Variants in ZC3H14 observed in about 807,000 individuals in gnomAD.
ZC3H14 encodes the protein zinc finger CCCH-type containing 14.
In ZC3H14, 31 loss-of-function variants were observed where a neutral mutation model predicts 92.4. The observed-to-expected ratio is 0.34, with a 90% CI of 0.25 to 0.45. The LOEUF (loss-of-function observed/expected upper bound fraction) is 0.45. ZC3H14 is among the 20% of genes least tolerant of loss of function. ZC3H14 has a pLI of 1.00. For synonymous variants in ZC3H14, 321 were observed against 300.9 expected (o/e 1.07, Z -0.69); for missense variants, 781 against 897.3 (o/e 0.87, Z 1.66).
Position 88,617,148 on chromosome 14 carries a change from TTC to T in ZC3H14, c.*5399_*5400del, listed in dbSNP as rs1472967327. The T allele has an allele frequency of 5.9e-5, 15 of 252,582 alleles. No homozygotes were observed. Among genetic ancestry groups the T allele is most frequent in the Non-Finnish European group, 7.5e-5 (10 of 132,548 alleles). 15.6% of individuals were successfully genotyped at this position (252,582 alleles called of 1,614,324 possible). ...TTATGAAAACTGATAGAACTATTTT[TTC>T]TTTTTTTTTTTTTGAGACGGAGTTT... On this transcript the variant is annotated 3_prime_UTR_variant, in exon 17 of 17. Coordinates refer to ENST00000251038, the MANE Select transcript of ZC3H14 (RefSeq NM_024824.5).
intron 9 of ZC3H14, among the ~76,000 whole-genome samples, chr14:88,580,801 GA>G (rs1217385292): frequency 4.0e-5 from 6 of 151,788 alleles, no homozygotes; most frequent in African/African-American, 7.2e-5. Flanking sequence ...ATTTTAAAAA[GA>G]AAAAAAATGA....
chr14:88,619,340 G>A lies in ZC3H14; in HGVS notation c.*7589G>A, dbSNP rs190503790. ...AGATTGCACCATTGCACTTCAGCAT[G>A]GGCAACAAGAGCAAAACTCCAACTC... is the stretch of plus-strand genomic sequence containing the variant. On this transcript the variant is annotated 3_prime_UTR_variant, in exon 17 of 17. Coordinates refer to ENST00000251038, the MANE Select transcript of ZC3H14 (RefSeq NM_024824.5). 4 of 152,512 alleles carry A rather than the reference G, an allele frequency of 2.6e-5. No homozygotes were observed. Among genetic ancestry groups the A allele is most frequent in the Admixed American group, 2.6e-4 (4 of 15,298 alleles). 9.4% of individuals were successfully genotyped at this position (152,512 alleles called of 1,614,324 possible). A position where few individuals can be genotyped will look rare whatever the true frequency, so the allele number is the denominator to read the frequency against.
Position 88,621,751 on chromosome 14 carries a change from A to C in ZC3H14, c.*10000A>C, listed in dbSNP as rs1264655960. 7 of 345,484 alleles carry C rather than the reference A, an allele frequency of 2.0e-5. No individual in the cohort carries two copies. The highest frequency in any genetic ancestry group is 1.5e-4 in the African/African-American group (7 of 46,860). 21.4% of individuals were successfully genotyped at this position (345,484 alleles called of 1,614,324 possible). A position where few individuals can be genotyped will look rare whatever the true frequency, so the allele number is the denominator to read the frequency against. ...CTTAATAAGTACAAACACGCTCAAA[A>C]ATTTTCATAGGAGTTGTAGTTTTGA... On this transcript the variant is annotated 3_prime_UTR_variant, in exon 17 of 17. Coordinates refer to ENST00000251038, the MANE Select transcript of ZC3H14 (RefSeq NM_024824.5).
At chr14:88,607,618 C>T (rs1424296815) in intron 13 of ZC3H14, among the ~76,000 whole-genome samples, 10 of 138,072 alleles carry the variant, frequency 7.2e-5, no homozygotes, top group African/African-American at 2.8e-4. Flanking sequence ...ACTACCATCC[C>T]ATCTCACCCT....
intron 15 of ZC3H14, 46 bp from the exon 16 acceptor site, chr14:88,610,788 A>ATATT (rs751610429): frequency 6.4e-7 from 1 of 1,553,996 alleles, no homozygotes; most frequent in Non-Finnish European, 8.9e-7. Context: ...GTGTTTACTT[A>ATATT]TATTAGCCTT....
In ZC3H14 at chr14:88,624,740, A is replaced by G. The variant is rs550036355; in HGVS notation, c.*12989A>G. On this transcript the variant is annotated 3_prime_UTR_variant, in exon 17 of 17. Transcript: ENST00000251038. ...AACTCAACTTGTAGGACAACTACCT[A>G]TCCACACCTCAGAAAAAGTATCACC... is the stretch of plus-strand genomic sequence containing the variant. 4 of 502,432 alleles carry G rather than the reference A, an allele frequency of 8.0e-6. 1 individual carries two copies. In the South Asian group the frequency reaches 1.0e-4, roughly 13 times the overall value. 31.1% of individuals were successfully genotyped at this position (502,432 alleles called of 1,614,324 possible).
chr14:88,625,208 T>A lies in ZC3H14; in HGVS notation c.*13457T>A. On this transcript the variant is annotated 3_prime_UTR_variant, in exon 17 of 17. Coordinates refer to ENST00000251038, the MANE Select transcript of ZC3H14 (RefSeq NM_024824.5). Reference sequence around the variant, plus strand: ...AAATAGATAATTTTCTATGTATGTGTAATGCTGTCTCACCCTTGATACAAA... The same window carrying A: ...AAATAGATAATTTTCTATGTATGTGAAATGCTGTCTCACCCTTGATACAAA... 6.8e-7 allele frequency: 1 copy of A among 1,475,656 alleles called. No individual in the cohort carries two copies. The highest frequency in any genetic ancestry group is 9.2e-7 in the Non-Finnish European group (1 of 1,087,304). 91.4% of individuals were successfully genotyped at this position (1,475,656 alleles called of 1,614,324 possible).
chr14:88,609,716 TGCACCACCA>T lies in ZC3H14; in HGVS notation c.2019_2027del (p.Ala674_Pro676del). ...TCCTGGTTTTTATTTTGTTAGCAGT[TGCACCACCA>T]GCACCACCTTCCAGTAGTCAGCTCT... On this transcript the variant is annotated inframe_deletion, in exon 15 of 17. Transcript: ENST00000251038. 1 of 1,614,178 alleles carries T rather than the reference TGCACCACCA, an allele frequency of 6.2e-7. No homozygotes were observed. The highest frequency in any genetic ancestry group is 2.2e-5 in the East Asian group (1 of 44,884).
chr14:88,621,694 T>G lies in ZC3H14; in HGVS notation c.*9943T>G, dbSNP rs1032155683. Reference sequence around the variant, plus strand: ...CTTAACTACAATTTAATATGCAGGCTGAAGATAATATCCGTATGATTTATA... The same window carrying G: ...CTTAACTACAATTTAATATGCAGGCGGAAGATAATATCCGTATGATTTATA... On this transcript the variant is annotated 3_prime_UTR_variant, in exon 17 of 17. Coordinates refer to ENST00000251038, the MANE Select transcript of ZC3H14 (RefSeq NM_024824.5). 1 of 281,564 alleles carries G rather than the reference T, an allele frequency of 3.6e-6. No individual in the cohort carries two copies. The highest frequency in any genetic ancestry group is 4.4e-5 in the Admixed American group (1 of 22,632). 17.4% of individuals were successfully genotyped at this position (281,564 alleles called of 1,614,324 possible).
intron 2 of ZC3H14, among the ~76,000 whole-genome samples, chr14:88,564,934 A>G (rs1321060440): frequency 6.6e-6 from 1 of 152,198 alleles, no homozygotes; most frequent in African/African-American, 2.4e-5. Flanking sequence ...AGTACTGACA[A>G]ACTGGTTACA....
chr14:88,566,122 C>T (rs1595473061), intron 2 of ZC3H14, among the ~76,000 whole-genome samples: 2 of 148,042 alleles, frequency 1.4e-5, no homozygotes, highest in East Asian at 4.0e-4. Flanking sequence ...TTAGGTGATC[C>T]ACTTGTCTCA....
intron 9 of ZC3H14, among the ~76,000 whole-genome samples, chr14:88,592,933 A>G (rs2083334882): frequency 2.0e-5 from 3 of 151,458 alleles, no homozygotes; most frequent in Non-Finnish European, 4.4e-5. Flanking sequence ...GGACCTTACA[A>G]GATTTTCTGT....
rs1265008513 is a variant in ZC3H14, at chr14:88,627,204, T to C, written c.*15453T>C. Reference sequence around the variant, plus strand: ...CCTAGCAATACATGATTTACAATTATTTGTGTATTGAGTCCTTTTCACTTA... The same window carrying C: ...CCTAGCAATACATGATTTACAATTACTTGTGTATTGAGTCCTTTTCACTTA... On this transcript the variant is annotated 3_prime_UTR_variant, in exon 17 of 17. Transcript: ENST00000251038. 6.0e-6 allele frequency: 4 copies of C among 666,938 alleles called. No individual in the cohort carries two copies. The highest frequency in any genetic ancestry group is 1.0e-5 in the Non-Finnish European group (4 of 393,630). 41.3% of individuals were successfully genotyped at this position (666,938 alleles called of 1,614,324 possible). A position where few individuals can be genotyped will look rare whatever the true frequency, so the allele number is the denominator to read the frequency against.
chr14:88,618,921 TC>T lies in ZC3H14; in HGVS notation c.*7171del, dbSNP rs2140275365. On this transcript the variant is annotated 3_prime_UTR_variant, in exon 17 of 17. Coordinates refer to ENST00000251038, the MANE Select transcript of ZC3H14 (RefSeq NM_024824.5). ...CTTAAAAGTAACGTGTGATAAGGCC[TC>T]AAATAGATTTACCTGTCAGACACAA... The T allele has an allele frequency of 1.8e-6, 2 of 1,087,700 alleles. No individual in the cohort carries two copies. The highest frequency in any genetic ancestry group is 3.7e-5 in the South Asian group (2 of 54,082). The allele number at this position is 1,087,700 out of a possible 1,614,324, so 67.4% of individuals were successfully genotyped here.
chr14:88,571,992 A>AT, intron 4 of ZC3H14, 38 bp from the exon 5 acceptor site: 6 of 1,456,884 alleles, frequency 4.1e-6, no homozygotes, highest in Non-Finnish European at 5.6e-6. Context: ...AAAATAAGAA[A>AT]TAAAAATAGA....
chr14:88,574,465 G>C (rs898726087), intron 6 of ZC3H14: 11 of 474,768 alleles, frequency 2.3e-5, no homozygotes, highest in African/African-American at 2.0e-4. Flanking sequence ...GGCTGGTCTC[G>C]AAATCCTGAC....
Position 88,572,104 on chromosome 14 carries a change from C to A in ZC3H14, c.310C>A (p.Arg104=). 1.2e-6 allele frequency: 2 copies of A among 1,614,032 alleles called. No individual in the cohort carries two copies. The highest frequency in any genetic ancestry group is 1.7e-6 in the Non-Finnish European group (2 of 1,180,028). ...GCCTTCAAACAAGAGCAATTTCAGTCGGGGAGATGAGAGGAGGCATGAAGC... is the reference window on the plus strand; with the variant it reads ...GCCTTCAAACAAGAGCAATTTCAGTAGGGGAGATGAGAGGAGGCATGAAGC... ...NVPSNKSNFS[R]GDERRHEAAV... is the part of the protein sequence containing the mutation. Residue 104 remains arginine, a synonymous_variant, in exon 5 of 17, where the codon CGG becomes AGG. Coordinates refer to ENST00000251038, the MANE Select transcript of ZC3H14 (RefSeq NM_024824.5).
Position 88,578,052 on chromosome 14 carries a change from A to G in ZC3H14, c.1191A>G (p.Glu397=). 6.2e-7 allele frequency: 1 copy of G among 1,614,198 alleles called. No individual in the cohort carries two copies. Among genetic ancestry groups the G allele is most frequent in the South Asian group, 1.1e-5 (1 of 91,084 alleles). The stretch of plus-strand genomic sequence containing the variant: ...CTTCTCAAGAAGAATTGCTAGCAGA[A>G]GTGGTCCAGGGACAAAGTAGGACCC... ...TRTSQEELLA[E]VVQGQSRTPR... is the part of the protein sequence containing the mutation. The change falls in exon 9 of 17, where the codon GAA becomes GAG. Residue 397 remains glutamate (E), a synonymous_variant. Transcript: ENST00000251038.
At chr14:88,600,075 A>G (rs998045736) in intron 10 of ZC3H14, among the ~76,000 whole-genome samples, 1 of 152,226 alleles carries the variant, frequency 6.6e-6, no homozygotes, top group Non-Finnish European at 1.5e-5. Context: ...CCTCTTAAAC[A>G]TGGGAGAGTC....
Sources: gnomAD v4.1 joint callset for allele counts (sites outside exome capture counted in the v4.1 genomes callset) on GRCh38, gnomAD v4.1.1 for gene constraint, MANE v1.5 for transcripts, NCBI Gene and HGNC (gene_info 2026-07-23, HGNC 2026-07-21) for gene names.